The following B3GALT1 variants were observed in gnomAD, a reference collection of about 807,000 sequenced individuals.
B3GALT1 encodes UDP-Gal:betaGlcNAc beta 1,3-galactosyltransferase, polypeptide 1.
Under a neutral mutation model 23.2 loss-of-function variants are expected in B3GALT1, and 10 were observed. The ratio of observed to expected loss-of-function variants is 0.43; its 90% CI spans 0.27 to 0.73. The LOEUF is 0.73. Among genes scored for constraint, B3GALT1 ranks in the 30% least tolerant of loss-of-function variants. The probability of loss-of-function intolerance (pLI) is 0.21; values close to 1 mark genes in which losing one functional copy is unlikely to be tolerated. For missense variants in B3GALT1, 299 were observed against 405.4 expected (o/e 0.74, Z 2.25); for synonymous variants, 156 against 141.5 (o/e 1.10, Z -0.73).
intron 2 of B3GALT1, among the ~76,000 whole-genome samples, chr2:167,574,031 A>T (rs375257417): frequency 6.6e-6 from 1 of 151,740 alleles, no homozygotes; most frequent in East Asian, 1.9e-4. Flanking sequence ...TTTAAACTTC[A>T]GTTTGCTTCC....
intron 4 of B3GALT1, among the ~76,000 whole-genome samples, chr2:167,838,325 TA>T (rs1237448178): frequency 5.4e-5 from 8 of 147,214 alleles, no homozygotes; most frequent in Admixed American, 5.4e-4. Context: ...ATAGACGCAA[TA>T]AAAAATGATA....
chr2:167,719,904 C>A (rs1030512285), intron 3 of B3GALT1, among the ~76,000 whole-genome samples: 1 of 151,900 alleles, frequency 6.6e-6, no homozygotes, highest in African/African-American at 2.4e-5. Flanking sequence ...TGCACTCCAG[C>A]CTGGGTGACA....
At chr2:167,555,199 C>G (rs981775896) in intron 2 of B3GALT1, among the ~76,000 whole-genome samples, 1 of 152,150 alleles carries the variant, frequency 6.6e-6, no homozygotes, top group African/African-American at 2.4e-5. Context: ...GATAGAGAAG[C>G]ATAGGAATAG....
intron 2 of B3GALT1, among the ~76,000 whole-genome samples, chr2:167,543,190 CT>C (rs1046334863): frequency 2.0e-5 from 3 of 151,988 alleles, no homozygotes; most frequent in Admixed American, 6.6e-5. Flanking sequence ...ACAGAGATGA[CT>C]TTTTTTGAAA....
chr2:167,379,459 G>A (rs919632005), intron 1 of B3GALT1, among the ~76,000 whole-genome samples: 1 of 152,010 alleles, frequency 6.6e-6, no homozygotes. Context: ...TCTAGGGGGT[G>A]TGACTGTAGA....
intron 1 of B3GALT1, among the ~76,000 whole-genome samples, chr2:167,489,963 G>A (rs1458863746): frequency 2.0e-5 from 3 of 152,040 alleles, no homozygotes; most frequent in Non-Finnish European, 2.9e-5. Context: ...TTGAATAAAC[G>A]GATAAGGAGG....
intron 1 of B3GALT1, among the ~76,000 whole-genome samples, chr2:167,407,452 C>A (rs1399654103): frequency 6.6e-6 from 1 of 151,540 alleles, no homozygotes; most frequent in Non-Finnish European, 1.5e-5. Flanking sequence ...AAGAACAAGC[C>A]CAGCCTATAA....
At chr2:167,670,286 G>T (rs1434823253) in intron 3 of B3GALT1, among the ~76,000 whole-genome samples, 1 of 152,160 alleles carries the variant, frequency 6.6e-6, no homozygotes, top group Non-Finnish European at 1.5e-5. Flanking sequence ...TCAGGATTTA[G>T]AGAAAACATG....
chr2:167,797,777 C>T (rs1260697854), intron 3 of B3GALT1, among the ~76,000 whole-genome samples: 2 of 152,114 alleles, frequency 1.3e-5, no homozygotes, highest in East Asian at 1.9e-4. Flanking sequence ...GGCACAATCT[C>T]GGCTCACTGC....
intron 1 of B3GALT1, among the ~76,000 whole-genome samples, chr2:167,446,968 C>T (rs1032383708): frequency 7.2e-5 from 11 of 152,174 alleles, no homozygotes; most frequent in African/African-American, 2.4e-4. Flanking sequence ...CTTTTGTGCT[C>T]TGGTTTCTCC....
At chr2:167,619,980 T>A (rs2105438390) in intron 2 of B3GALT1, among the ~76,000 whole-genome samples, 2 of 152,248 alleles carry the variant, frequency 1.3e-5, no homozygotes, top group East Asian at 3.9e-4. Flanking sequence ...ATTAAGCTAT[T>A]TAAAAAGCTC....
chr2:167,451,552 G>A (rs139060824), intron 1 of B3GALT1, among the ~76,000 whole-genome samples: 58 of 152,282 alleles, frequency 3.8e-4, no homozygotes, highest in African/African-American at 1.3e-3. Flanking sequence ...TGAACCATCT[G>A]CAGGTCTCTC....
chr2:167,865,938 C>T (rs1690207753), intron 4 of B3GALT1, among the ~76,000 whole-genome samples: 1 of 152,202 alleles, frequency 6.6e-6, no homozygotes, highest in South Asian at 2.1e-4. Context: ...GAACCACTCA[C>T]CATCTGACCC....
At chr2:167,441,839 A>G (rs992043923) in intron 1 of B3GALT1, among the ~76,000 whole-genome samples, 5 of 151,676 alleles carry the variant, frequency 3.3e-5, no homozygotes, top group Non-Finnish European at 7.4e-5. Flanking sequence ...CCCAGGCCAG[A>G]CAGCATAGCA....
At chr2:167,786,799 G>A (rs969801285) in intron 3 of B3GALT1, among the ~76,000 whole-genome samples, 1 of 152,146 alleles carries the variant, frequency 6.6e-6, no homozygotes, top group Admixed American at 6.6e-5. Flanking sequence ...AGCAGGAATG[G>A]TTCTTACCCC....
chr2:167,675,195 G>A (rs189625904), intron 3 of B3GALT1, among the ~76,000 whole-genome samples: 6 of 152,228 alleles, frequency 3.9e-5, no homozygotes, highest in South Asian at 2.1e-4. Flanking sequence ...ACTTGGAAAC[G>A]TTAAAATCAA....
At chr2:167,666,627 G>A (rs1411359362) in intron 3 of B3GALT1, among the ~76,000 whole-genome samples, 2 of 151,940 alleles carry the variant, frequency 1.3e-5, no homozygotes, top group Admixed American at 6.6e-5. Context: ...TATGAATCTG[G>A]GTGCTCCTGT....
At chr2:167,305,851 G>A (rs532384187) in intron 1 of B3GALT1, among the ~76,000 whole-genome samples, 8 of 151,854 alleles carry the variant, frequency 5.3e-5, no homozygotes, top group Non-Finnish European at 1.2e-4. Flanking sequence ...GCCATCCTGC[G>A]GTCTACTAGA....
At chr2:167,316,142 A>T (rs1291498199) in intron 1 of B3GALT1, among the ~76,000 whole-genome samples, 1 of 151,126 alleles carries the variant, frequency 6.6e-6, no homozygotes, top group East Asian at 1.9e-4. Flanking sequence ...GAACTAGGGT[A>T]TTTGGTGCAA....
Sources: gnomAD v4.1 joint callset for allele counts (sites outside exome capture counted in the v4.1 genomes callset) on GRCh38, gnomAD v4.1.1 for gene constraint, MANE v1.5 for transcripts, NCBI Gene and HGNC (gene_info 2026-07-23, HGNC 2026-07-21) for gene names.